NR1D2: variants seen among roughly 807,000 people sequenced by gnomAD.
NR1D2 encodes nuclear receptor subfamily 1 group D member 2.
Under a neutral mutation model 52.2 loss-of-function variants are expected in NR1D2, and 25 were observed. The observed-to-expected ratio is 0.48, with a 90% CI of 0.35 to 0.67. NR1D2 has a LOEUF of 0.67. NR1D2 is among the 30% of genes least tolerant of loss of function. NR1D2 has a pLI of 0.01. For synonymous variants in NR1D2, 259 were observed against 230.1 expected (o/e 1.13, Z -1.14); for missense variants, 681 against 707.2 (o/e 0.96, Z 0.42).
intron 5 of NR1D2, chr3:23,963,365 T>G: frequency 3.8e-6 from 5 of 1,310,988 alleles, no homozygotes; most frequent in Non-Finnish European, 5.0e-6. Flanking sequence ...TTCAAAATAG[T>G]TGACTCTACC....
chr3:23,945,597 A>C lies in NR1D2; in HGVS notation c.16+3A>C. Reference sequence around the variant, plus strand: ...GGGCACCATGGAGGTGAATGCAGGTAAGAACCGGACTGCGGCGGGTGGGGG... The same window carrying C: ...GGGCACCATGGAGGTGAATGCAGGTCAGAACCGGACTGCGGCGGGTGGGGG... On this transcript the variant is annotated splice_donor_region_variant and intron_variant, in intron 1 of 7. Coordinates refer to ENST00000312521, the MANE Select transcript of NR1D2 (RefSeq NM_005126.5). 8.5e-7 allele frequency: 1 copy of C among 1,170,250 alleles called. No homozygotes were observed. Among genetic ancestry groups the C allele is most frequent in the Non-Finnish European group, 1.1e-6 (1 of 941,228 alleles). The allele number at this position is 1,170,250 out of a possible 1,614,324, so 72.5% of individuals were successfully genotyped here.
chr3:23,954,408 T>C lies in NR1D2; in HGVS notation c.17-129T>C, dbSNP rs1706029104. Reference sequence around the variant, plus strand: ...TAAGGAAATACTTTATTTTTTGCTTTTGGTGTAAGCAAACATTTCATATCA... The same window carrying C: ...TAAGGAAATACTTTATTTTTTGCTTCTGGTGTAAGCAAACATTTCATATCA... On this transcript the variant is annotated intron_variant, in intron 1 of 7. Transcript: ENST00000312521. 11 of 794,314 alleles carry C rather than the reference T, an allele frequency of 1.4e-5. No individual in the cohort carries two copies. The South Asian group carries it at 1.7e-4, about 13-fold the overall frequency. 49.2% of individuals were successfully genotyped at this position (794,314 alleles called of 1,614,324 possible).
chr3:23,965,376 C>T (rs148485416), intron 6 of NR1D2, among the ~76,000 whole-genome samples: 20 of 149,790 alleles, frequency 1.3e-4, no homozygotes, highest in African/African-American at 4.9e-4. Flanking sequence ...GTAGCTGGGA[C>T]TACAGGTGTG....
chr3:23,963,997 C>CT (rs1264203906), intron 5 of NR1D2, among the ~76,000 whole-genome samples: 1 of 150,214 alleles, frequency 6.7e-6, no homozygotes, highest in East Asian at 1.9e-4. Flanking sequence ...ACACCTGTAT[C>CT]TGCAGTCCTT....
chr3:23,945,944 AGGC>A (rs1302905218), intron 1 of NR1D2, among the ~76,000 whole-genome samples: 3 of 149,710 alleles, frequency 2.0e-5, no homozygotes, highest in Admixed American at 6.6e-5. Flanking sequence ...ATGGGCGCTG[AGGC>A]GGCGGCGGCG....
At chr3:23,969,426 A>G (rs1161948791) in intron 7 of NR1D2, among the ~76,000 whole-genome samples, 1 of 152,224 alleles carries the variant, frequency 6.6e-6, no homozygotes, top group East Asian at 1.9e-4. Flanking sequence ...CTGGATAACT[A>G]AAAATGTGTA....
chr3:23,971,303 ATTTTTTTT>A (rs11457044), intron 7 of NR1D2, among the ~76,000 whole-genome samples: 1 of 123,118 alleles, frequency 8.1e-6, no homozygotes, highest in Non-Finnish European at 1.6e-5. Context: ...CTCTATACCT[ATTTTTTTT>A]TTTTTTTTTT....
chr3:23,954,818 T>C lies in NR1D2; in HGVS notation c.283+15T>C. ...TGGTGTGACAAGTAAGTTACTTTGGTTTTCTAAAGATTGCTGCCATTAATT... is the reference window on the plus strand; with the variant it reads ...TGGTGTGACAAGTAAGTTACTTTGGCTTTCTAAAGATTGCTGCCATTAATT... On this transcript the variant is annotated intron_variant, in intron 2 of 7. Transcript: ENST00000312521. 2 of 1,607,386 alleles carry C rather than the reference T, an allele frequency of 1.2e-6. No individual in the cohort carries two copies. Among genetic ancestry groups the C allele is most frequent in the Non-Finnish European group, 1.7e-6 (2 of 1,174,784 alleles).
Position 23,962,073 on chromosome 3 carries a change from G to A in NR1D2, c.614G>A (p.Gly205Asp), listed in dbSNP as rs61732087. 1,318 of 1,614,116 alleles carry A rather than the reference G, an allele frequency of 8.2e-4. 13 individuals are homozygous for A. The African/African-American group carries it at 0.016, about 19-fold the overall frequency. The part of the protein sequence containing the change: ...MKTMMNSQFS[G>D]HLQNDTLVEH... ...ACCATGATGAACAGCCAGTTCAGTG[G>A]TCACTTGCAAAATGACACATTAGTA... The change falls in exon 5 of 8, where the codon GGT becomes GAT. Residue 205 changes from glycine (G) to aspartate (D), a missense_variant. Physicochemically the swap from Gly to Asp is moderately conservative, Grantham distance 94. Around this residue, in one of 3 missense-constraint regions of NR1D2, gnomAD observed 475 missense variants for 454.5 expected, o/e 1.05. Transcript: ENST00000312521.
In NR1D2 at chr3:23,980,147, A is replaced by G. The variant is rs915297008; in HGVS notation, c.*2728A>G. On this transcript the variant is annotated 3_prime_UTR_variant, in exon 8 of 8. Transcript: ENST00000312521. ...GTATAGCTTTCATATCTACATTTCA[A>G]GAAATTACCATTGTAACTTGATAAG... 1.2e-4 allele frequency: 18 copies of G among 152,216 alleles called. 1 individual carries two copies. Among genetic ancestry groups the G allele is most frequent in the Non-Finnish European group, 2.2e-4 (15 of 68,008 alleles). 9.4% of individuals were successfully genotyped at this position (152,216 alleles called of 1,614,324 possible). A position where few individuals can be genotyped will look rare whatever the true frequency, so the allele number is the denominator to read the frequency against.
intron 6 of NR1D2, 70 bp downstream of exon 6, chr3:23,965,232 A>ATTTTT: frequency 1.5e-6 from 1 of 686,932 alleles, no homozygotes; most frequent in South Asian, 3.0e-5. Context: ...GGATGTTTTA[A>ATTTTT]TTCTTTTTTT....
intron 7 of NR1D2, among the ~76,000 whole-genome samples, chr3:23,970,487 A>G (rs1302003597): frequency 6.6e-6 from 1 of 152,236 alleles, no homozygotes; most frequent in Admixed American, 6.5e-5. Flanking sequence ...AAAGGTTATA[A>G]TATCACTACC....
chr3:23,970,738 C>T (rs1015607470), intron 7 of NR1D2, among the ~76,000 whole-genome samples: 3 of 152,140 alleles, frequency 2.0e-5, no homozygotes, highest in African/African-American at 7.2e-5. Flanking sequence ...ATCCTTACCA[C>T]TTAAAAATTA....
In NR1D2 at chr3:23,954,568, C is replaced by T. The variant is rs765899035; in HGVS notation, c.48C>T (p.Ser16=). 1 of 1,614,080 alleles carries T rather than the reference C, an allele frequency of 6.2e-7. No individual in the cohort carries two copies. Among genetic ancestry groups the T allele is most frequent in the Non-Finnish European group, 8.5e-7 (1 of 1,179,950 alleles). ...GGVIAYISSS[S]SASSPASCHS... ...TGATTGCCTATATCAGTTCTTCCAG[C>T]TCAGCCTCAAGCCCTGCCTCTTGTC... The change falls in exon 2 of 8, where the codon AGC becomes AGT. Residue 16 remains serine (S), a synonymous_variant. Coordinates refer to ENST00000312521, the MANE Select transcript of NR1D2 (RefSeq NM_005126.5).
chr3:23,968,494 G>T (rs1706508384), intron 7 of NR1D2, among the ~76,000 whole-genome samples: 1 of 152,134 alleles, frequency 6.6e-6, no homozygotes, highest in Non-Finnish European at 1.5e-5. Context: ...TGAATTATGT[G>T]GGTAACTTGG....
At chr3:23,957,639 C>T (rs367723970) in intron 3 of NR1D2, among the ~76,000 whole-genome samples, 22 of 151,000 alleles carry the variant, frequency 1.5e-4, no homozygotes, top group African/African-American at 4.6e-4. Flanking sequence ...AGGAGAATGG[C>T]GTGAACCCGG....
At chr3:23,946,994 T>C (rs964294302) in intron 1 of NR1D2, among the ~76,000 whole-genome samples, 1 of 152,254 alleles carries the variant, frequency 6.6e-6, no homozygotes, top group South Asian at 2.1e-4. Context: ...AAAGTCACTT[T>C]CTAATTTTAT....
rs1706560554 is a variant in NR1D2 at position 23,970,592 on chromosome 3, T to C, written c.1543+2569T>C. ...ATCTATCCATTTACCTGTTTGTTTATATAGGATATATTTTAAAAATGGAAA... is the reference window on the plus strand; with the variant it reads ...ATCTATCCATTTACCTGTTTGTTTACATAGGATATATTTTAAAAATGGAAA... On this transcript the variant is annotated intron_variant, in intron 7 of 7. Coordinates refer to ENST00000312521, the MANE Select transcript of NR1D2 (RefSeq NM_005126.5). Among the ~76,000 whole-genome samples, 3 of 152,202 alleles carry C rather than the reference T, an allele frequency of 2.0e-5. No individual in the cohort carries two copies. In the South Asian group the frequency reaches 6.2e-4, roughly 32 times the overall value.
chr3:23,945,989 G>C, intron 1 of NR1D2: 1 of 555,548 alleles, frequency 1.8e-6, no homozygotes, highest in Non-Finnish European at 2.3e-6. Context: ...TCGGCTCCCT[G>C]ACCCACATTC....
Sources: gnomAD v4.1 joint callset for allele counts (sites outside exome capture counted in the v4.1 genomes callset) on GRCh38, gnomAD v4.1.1 for gene constraint, gnomAD v4.1.1 regional missense constraint, MANE v1.5 for transcripts, NCBI Gene and HGNC (gene_info 2026-07-23, HGNC 2026-07-21) for gene names.